The following USP49 variants were observed in gnomAD, a reference collection of about 807,000 sequenced individuals.
USP49 encodes the protein ubiquitin specific peptidase 49, also known as ubiquitin carboxyl-terminal hydrolase 49.
USP49 carries 24 observed loss-of-function variants against 58.6 expected under a neutral mutation model. The ratio of observed to expected loss-of-function variants is 0.41; its 90% confidence interval spans 0.30 to 0.58. USP49 has a LOEUF of 0.58. USP49 is among the 20% of genes least tolerant of loss of function. The probability of loss-of-function intolerance (pLI) is 0.30; values close to 1 mark genes in which losing one functional copy is unlikely to be tolerated. For synonymous variants in USP49, 408 were observed against 365.1 expected, an observed-to-expected ratio of 1.12 and a Z score of -1.34; for missense variants, 703 against 866.1, an observed-to-expected ratio of 0.81 and a Z score of 2.36.
intron 7 of USP49, among the ~76,000 whole-genome samples, chr6:41,797,317 C>T (rs1772904291): frequency 6.6e-6 from 1 of 152,164 alleles, no homozygotes; most frequent in Non-Finnish European, 1.5e-5. Flanking sequence ...CCACTAGGGC[C>T]TTCTAGAAAG....
intron 3 of USP49, among the ~76,000 whole-genome samples, chr6:41,862,331 AGACT>A (rs1774237854): frequency 6.6e-6 from 1 of 152,236 alleles, no homozygotes; most frequent in Admixed American, 6.5e-5. Context: ...CTAATACTGG[AGACT>A]GATATATCTT....
At chr6:41,849,388 C>T (rs560349358) in intron 3 of USP49, among the ~76,000 whole-genome samples, 2 of 152,200 alleles carry the variant, frequency 1.3e-5, no homozygotes, top group East Asian at 1.9e-4. Context: ...ATGGACAGAA[C>T]AACCAGACAG....
chr6:41,884,189 A>G (rs182945230), intron 2 of USP49, among the ~76,000 whole-genome samples: 1 of 152,196 alleles, frequency 6.6e-6, no homozygotes, highest in East Asian at 1.9e-4. Flanking sequence ...ACACCCAGCT[A>G]ATTTTTTGTA....
chr6:41,889,113 A>C (rs1774768376), intron 2 of USP49, among the ~76,000 whole-genome samples: 1 of 151,750 alleles, frequency 6.6e-6, no homozygotes, highest in Non-Finnish European at 1.5e-5. Context: ...GCTCACTGCA[A>C]CCTCTGTCTC....
At chr6:41,894,177 C>G (rs1774857907) in intron 1 of USP49, 1 of 152,260 alleles carries the variant, frequency 6.6e-6, no homozygotes, top group Non-Finnish European at 1.5e-5. Flanking sequence ...TCCTGCTCCT[C>G]TCACCATTTG....
intron 3 of USP49, among the ~76,000 whole-genome samples, chr6:41,860,243 A>G (rs1486277445): frequency 6.6e-6 from 1 of 151,928 alleles, no homozygotes; most frequent in African/African-American, 2.4e-5. Flanking sequence ...TTTCTTTAAC[A>G]TATAGCTTGC....
rs774097720 is a variant in USP49, at chr6:41,806,295, G to A, written c.689C>T (p.Pro230Leu). 17 of 1,595,644 alleles carry A rather than the reference G, an allele frequency of 1.1e-5. No homozygotes were observed. In the African/African-American group the frequency reaches 2.1e-4, roughly 20 times the overall value. ...GPAASRPAAL[P>L]TSRRVPAATL... ...GGCGGCGGGCACTCTGCGTGAGGTAGGGAGGGCGGCGGGGCGCGAGGCAGC... is the reference window on the plus strand; with the variant it reads ...GGCGGCGGGCACTCTGCGTGAGGTAAGGAGGGCGGCGGGGCGCGAGGCAGC... The change falls in exon 4 of 8, where the codon CCT (proline) becomes CTT (leucine). Residue 230 changes from proline (P) to leucine (L), a missense_variant. This residue lies in a region of USP49 where 376 missense variants were observed against 373.5 expected (regional missense o/e 1.01). Coordinates refer to ENST00000682992, the MANE Select transcript of USP49 (RefSeq NM_001286554.2). The surrounding 1 kb of genome is among the most constrained non-coding windows in gnomAD (Gnocchi z 5.9).
chr6:41,793,269 GTT>G lies in USP49; in HGVS notation c.*3262_*3263del. 1.4e-5 allele frequency: 2 copies of G among 147,564 alleles called. No individual in the cohort carries two copies. Among genetic ancestry groups the G allele is most frequent in the Admixed American group, 6.8e-5 (1 of 14,720 alleles). 9.1% of individuals were successfully genotyped at this position (147,564 alleles called of 1,614,324 possible). ...TTTTTTTTTTTTTGTTTTTGTTTTT[GTT>G]TTTTTTTTAAGACAGAGTCTCGCTC... On this transcript the variant is annotated 3_prime_UTR_variant, in exon 8 of 8. Transcript: ENST00000682992.
At chr6:41,834,486 T>G (rs1364981731) in intron 3 of USP49, among the ~76,000 whole-genome samples, 1 of 152,186 alleles carries the variant, frequency 6.6e-6, no homozygotes, top group Non-Finnish European at 1.5e-5. Context: ...CCACCAAATC[T>G]CATGTTGAAT....
intron 3 of USP49, among the ~76,000 whole-genome samples, chr6:41,859,225 T>C (rs1774178900): frequency 1.3e-5 from 2 of 152,190 alleles, no homozygotes; most frequent in Non-Finnish European, 2.9e-5. Context: ...CCTCTTTCTC[T>C]ACCCCATGAC....
chr6:41,798,565 G>T, intron 7 of USP49, 159 bp downstream of exon 7: 1 of 1,538,974 alleles, frequency 6.5e-7, no homozygotes, highest in Non-Finnish European at 8.8e-7. Flanking sequence ...TGTGAGCCAC[G>T]GCGCCCAACC....
At position 41,891,862 on chromosome 6, in the gene USP49, C is replaced by G. The variant is rs1463401427; in HGVS notation, c.-171G>C. On this transcript the variant is annotated 5_prime_UTR_variant, in exon 2 of 8. Transcript: ENST00000682992. ...ACTAGAGGTCCTTTCAAGGTCTCTT[C>G]CCATCCAAAGAATCTACGGTTAACC... The G allele has an allele frequency of 1.3e-5, 2 of 152,078 alleles. No homozygotes were observed. Among genetic ancestry groups the G allele is most frequent in the African/African-American group, 4.8e-5 (2 of 41,404 alleles). The allele number at this position is 152,078 out of a possible 1,614,324, so 9.4% of individuals were successfully genotyped here.
chr6:41,820,467 C>A (rs931827820), intron 3 of USP49, among the ~76,000 whole-genome samples: 1 of 151,756 alleles, frequency 6.6e-6, no homozygotes, highest in African/African-American at 2.4e-5. Flanking sequence ...GATAATGGTG[C>A]TGTGGTTCCA....
chr6:41,855,180 A>T (rs891049072), intron 3 of USP49, among the ~76,000 whole-genome samples: 3 of 150,928 alleles, frequency 2.0e-5, no homozygotes, highest in African/African-American at 7.3e-5. Flanking sequence ...TCTGCTATAG[A>T]GACTTTTTTT....
intron 3 of USP49, among the ~76,000 whole-genome samples, chr6:41,816,896 G>A (rs1040457371): frequency 2.6e-5 from 4 of 151,422 alleles, no homozygotes; most frequent in African/African-American, 9.7e-5. Context: ...GGTGGAGATG[G>A]GGTTTTGCCA....
At chr6:41,815,817 C>T (rs1405488554) in intron 3 of USP49, among the ~76,000 whole-genome samples, 1 of 152,208 alleles carries the variant, frequency 6.6e-6, no homozygotes, top group African/African-American at 2.4e-5. Context: ...ACTCATTTGT[C>T]ACCAGTAATC....
rs1336547833 is a variant in USP49, at chr6:41,890,499, GC to G, written c.-103+1294del. On this transcript the variant is annotated intron_variant, in intron 2 of 7. Coordinates refer to ENST00000682992, the MANE Select transcript of USP49 (RefSeq NM_001286554.2). The stretch of plus-strand genomic sequence containing the variant: ...AGGTTAAGGTGGGCAGATTTTTTGA[GC>G]CCAGGAGTTCGAGACAAGCCTGGGC... 2.6e-5 allele frequency among the ~76,000 whole-genome samples: 4 copies of G among 152,170 alleles called. No individual in the cohort carries two copies. In the East Asian group the frequency reaches 5.8e-4, roughly 22 times the overall value.
At chr6:41,842,768 A>G (rs928146013) in intron 3 of USP49, among the ~76,000 whole-genome samples, 1 of 152,020 alleles carries the variant, frequency 6.6e-6, no homozygotes, top group Non-Finnish European at 1.5e-5. Context: ...TACATTTTTC[A>G]TAAGTTAAAT....
chr6:41,866,248 T>C lies in USP49; in HGVS notation c.-29+5316A>G, dbSNP rs187865048. ...ATGGTGCCTTTTTTAATAATCGAAATTGGCAAAATGTCAAGCCACTCTATC... is the reference window on the plus strand; with the variant it reads ...ATGGTGCCTTTTTTAATAATCGAAACTGGCAAAATGTCAAGCCACTCTATC... On this transcript the variant is annotated intron_variant, in intron 3 of 7. Coordinates refer to ENST00000682992, the MANE Select transcript of USP49 (RefSeq NM_001286554.2). 3.2e-4 allele frequency among the ~76,000 whole-genome samples: 49 copies of C among 151,992 alleles called. 1 individual carries two copies. Among genetic ancestry groups the C allele is most frequent in the Non-Finnish European group, 6.5e-4 (44 of 67,946 alleles).
Sources: allele counts gnomAD v4.1 joint callset (sites outside exome capture counted in the v4.1 genomes callset), GRCh38; gene constraint gnomAD v4.1.1; regional missense constraint gnomAD v4.1.1; non-coding constraint Gnocchi (gnomAD v3.1); transcripts MANE v1.5; gene names NCBI Gene and HGNC (gene_info 2026-07-23, HGNC 2026-07-21).